BTBD9: variants seen among roughly 807,000 people sequenced by gnomAD.
BTBD9 encodes the protein BTB/POZ domain-containing protein 9.
Under a neutral mutation model 64.3 loss-of-function variants are expected in BTBD9, and 49 were observed. That is an observed-to-expected ratio of 0.76 (90% CI 0.61 to 0.97). BTBD9 has a LOEUF of 0.97. Ranked by LOEUF, BTBD9 falls within the 50% of genes least tolerant of loss-of-function variation. The pLI is 0.00. For missense variants in BTBD9, 598 were observed against 762.1 expected, an observed-to-expected ratio of 0.78 and a Z score of 2.53; for synonymous variants, 260 against 274.7, an observed-to-expected ratio of 0.95 and a Z score of 0.53.
intron 10 of BTBD9, among the ~76,000 whole-genome samples, chr6:38,176,816 C>T (rs1246251812): frequency 3.3e-5 from 5 of 152,270 alleles, no homozygotes; most frequent in South Asian, 4.2e-4. Flanking sequence ...GTAACAACAC[C>T]GCCCTGGGCA....
intron 6 of BTBD9, among the ~76,000 whole-genome samples, chr6:38,510,785 ATC>A (rs1261476459): frequency 6.6e-6 from 1 of 152,138 alleles, no homozygotes; most frequent in African/African-American, 2.4e-5. Flanking sequence ...GATCATCAAT[ATC>A]TCTGTCTTCC....
chr6:38,518,159 T>C (rs930775059), intron 6 of BTBD9, among the ~76,000 whole-genome samples: 4 of 152,206 alleles, frequency 2.6e-5, no homozygotes, highest in African/African-American at 9.7e-5. Context: ...AGAATTTCTT[T>C]AATGTGCCCC....
At chr6:38,280,710 A>G (rs1761477914) in intron 8 of BTBD9, among the ~76,000 whole-genome samples, 1 of 152,224 alleles carries the variant, frequency 6.6e-6, no homozygotes, top group African/African-American at 2.4e-5. Context: ...TGCTAATGTC[A>G]TCACCTGTGC....
At chr6:38,612,640 T>C (rs1225710565) in intron 1 of BTBD9, among the ~76,000 whole-genome samples, 1 of 152,146 alleles carries the variant, frequency 6.6e-6, no homozygotes, top group Non-Finnish European at 1.5e-5. Context: ...TGGAAATCCA[T>C]GATGAGTAAC....
intron 8 of BTBD9, among the ~76,000 whole-genome samples, chr6:38,261,632 C>T (rs537298456): frequency 6.6e-6 from 1 of 152,204 alleles, no homozygotes; most frequent in East Asian, 1.9e-4. Context: ...AATCCACTGC[C>T]TATCATAGTT....
chr6:38,478,470 C>T (rs1770992754), intron 6 of BTBD9, among the ~76,000 whole-genome samples: 1 of 152,080 alleles, frequency 6.6e-6, no homozygotes, highest in South Asian at 2.1e-4. Flanking sequence ...AATTACATGG[C>T]CGGCAGTGAG....
intron 6 of BTBD9, among the ~76,000 whole-genome samples, chr6:38,485,982 T>G (rs1771381976): frequency 6.6e-6 from 1 of 152,196 alleles, no homozygotes; most frequent in Non-Finnish European, 1.5e-5. Context: ...CTGGGTAACT[T>G]GCTGCAGCTT....
intron 6 of BTBD9, among the ~76,000 whole-genome samples, chr6:38,396,905 T>C (rs796451014): frequency 4.8e-4 from 68 of 140,394 alleles, no homozygotes; most frequent in African/African-American, 1.5e-3. Flanking sequence ...TTCTTTTTTT[T>C]TTTTTTTTTT....
intron 7 of BTBD9, among the ~76,000 whole-genome samples, chr6:38,304,877 A>G (rs1353101059): frequency 1.3e-5 from 2 of 152,198 alleles, no homozygotes; most frequent in Non-Finnish European, 2.9e-5. Context: ...AAGATGAGGC[A>G]ATCATTCTAG....
chr6:38,202,361 G>A (rs918382027), intron 9 of BTBD9, among the ~76,000 whole-genome samples: 5 of 151,060 alleles, frequency 3.3e-5, no homozygotes, highest in African/African-American at 9.7e-5. Flanking sequence ...GATTACACAC[G>A]TGAGCCACTG....
chr6:38,466,729 C>G (rs1431264666), intron 6 of BTBD9, among the ~76,000 whole-genome samples: 1 of 151,928 alleles, frequency 6.6e-6, no homozygotes, highest in African/African-American at 2.4e-5. Context: ...ACGTGCCCAC[C>G]ACCATGCCCA....
intron 6 of BTBD9, among the ~76,000 whole-genome samples, chr6:38,550,267 T>G (rs1313283101): frequency 6.6e-6 from 1 of 152,136 alleles, no homozygotes; most frequent in Non-Finnish European, 1.5e-5. Context: ...TCCTTTCAGT[T>G]GTTCAGGCCA....
chr6:38,528,841 G>A (rs1773640505), intron 6 of BTBD9, among the ~76,000 whole-genome samples: 1 of 152,056 alleles, frequency 6.6e-6, no homozygotes, highest in Non-Finnish European at 1.5e-5. Context: ...TCAGGTGTGT[G>A]ACCCACCACA....
chr6:38,272,608 G>A (rs1007314973), intron 8 of BTBD9, among the ~76,000 whole-genome samples: 3 of 151,996 alleles, frequency 2.0e-5, no homozygotes, highest in Admixed American at 6.6e-5. Context: ...TGAGTCTAAT[G>A]TATACAGCTA....
At chr6:38,361,960 G>T (rs1305216695) in intron 6 of BTBD9, among the ~76,000 whole-genome samples, 2 of 151,802 alleles carry the variant, frequency 1.3e-5, no homozygotes, top group African/African-American at 4.8e-5. Flanking sequence ...ACAGACTGCT[G>T]GTCTACTTTT....
chr6:38,350,251 G>T (rs1365103164), intron 6 of BTBD9, among the ~76,000 whole-genome samples: 2 of 152,176 alleles, frequency 1.3e-5, no homozygotes, highest in African/African-American at 4.8e-5. Flanking sequence ...TTCTGGGAAG[G>T]TACGAGTTCC....
intron 6 of BTBD9, among the ~76,000 whole-genome samples, chr6:38,382,183 C>T (rs73730951): frequency 0.015 from 2,258 of 152,244 alleles, 58 homozygotes; most frequent in African/African-American, 0.051. Flanking sequence ...CTACTATCTC[C>T]CACAACACCT....
Position 38,213,715 on chromosome 6 carries a change from C to T in BTBD9, c.1563-21118G>A, listed in dbSNP as rs1762912229. On this transcript the variant is annotated intron_variant, in intron 9 of 10. Transcript: ENST00000481247. ...AAAAAATCATGGCTGGGCGTGGTGG[C>T]TCACGCCTGTAATCCCAGCACTTTG... Among the ~76,000 whole-genome samples the T allele has an allele frequency of 2.0e-5, 3 of 152,208 alleles. No individual in the cohort carries two copies. The South Asian group carries it at 6.2e-4, about 32-fold the overall frequency.
At chr6:38,533,472 C>T (rs1432663027) in intron 6 of BTBD9, among the ~76,000 whole-genome samples, 1 of 151,930 alleles carries the variant, frequency 6.6e-6, no homozygotes, top group Non-Finnish European at 1.5e-5. Context: ...ACTTCAACAC[C>T]CCGCATCCAA....
Sources: gnomAD v4.1 joint callset for allele counts (sites outside exome capture counted in the v4.1 genomes callset) on GRCh38, gnomAD v4.1.1 for gene constraint, MANE v1.5 for transcripts, NCBI Gene and HGNC (gene_info 2026-07-23, HGNC 2026-07-21) for gene names.